RABGAP1L: variants seen among roughly 807,000 people sequenced by gnomAD.
RABGAP1L encodes the protein rab GTPase-activating protein 1-like.
Under a neutral mutation model 137.7 loss-of-function variants are expected in RABGAP1L, and 63 were observed. The observed-to-expected ratio is 0.46, with a 90% CI of 0.37 to 0.56. The LOEUF (loss-of-function observed/expected upper bound fraction) is 0.56, where lower values mean the gene tolerates loss of function less well. Ranked by LOEUF, RABGAP1L falls within the 20% of genes least tolerant of loss-of-function variation. RABGAP1L has a pLI of 0.00. For synonymous variants in RABGAP1L, 431 were observed against 433.7 expected (o/e 0.99, Z 0.08); for missense variants, 1,095 against 1,244.0 (o/e 0.88, Z 1.80).
At chr1:174,822,656 C>G (rs1251935501) in intron 19 of RABGAP1L, among the ~76,000 whole-genome samples, 1 of 152,180 alleles carries the variant, frequency 6.6e-6, no homozygotes, top group African/African-American at 2.4e-5. Context: ...ATGTGCAGTT[C>G]ACAATAGGGT....
At chr1:174,969,502 G>C in intron 21 of RABGAP1L, 115 bp downstream of exon 21, 1 of 757,156 alleles carries the variant, frequency 1.3e-6, no homozygotes. Context: ...GAATGGACAA[G>C]TGGCAGGGAC....
At chr1:174,309,002 T>G (rs189237245) in intron 11 of RABGAP1L, among the ~76,000 whole-genome samples, 206 of 152,196 alleles carry the variant, frequency 1.4e-3, no homozygotes, top group African/African-American at 4.7e-3. Flanking sequence ...TTCCAATCCA[T>G]GTACACAGTA....
At chr1:174,254,062 T>C (rs1672920395) in intron 7 of RABGAP1L, among the ~76,000 whole-genome samples, 2 of 152,000 alleles carry the variant, frequency 1.3e-5, no homozygotes, top group Middle Eastern at 3.4e-3. Flanking sequence ...TCCTCTTAAA[T>C]ATAGGAGAAG....
intron 13 of RABGAP1L, among the ~76,000 whole-genome samples, chr1:174,481,481 A>G (rs1324600874): frequency 6.6e-6 from 1 of 152,184 alleles, no homozygotes; most frequent in African/African-American, 2.4e-5. Context: ...CCTATGCTCT[A>G]AGGCCTGGTT....
At chr1:174,940,466 T>TG (rs1372488089) in intron 19 of RABGAP1L, among the ~76,000 whole-genome samples, 2 of 151,966 alleles carry the variant, frequency 1.3e-5, no homozygotes, top group Admixed American at 6.6e-5. Flanking sequence ...TTTGTAGAGA[T>TG]GGGGTCTCGC....
rs1558136542 is a variant in RABGAP1L, at chr1:174,328,013, A to ACG, written c.1465+22886_1465+22887insCG. Among the ~76,000 whole-genome samples, 2 of 129,096 alleles carry ACG rather than the reference A, an allele frequency of 1.5e-5. 1 individual carries two copies. Among genetic ancestry groups the ACG allele is most frequent in the African/African-American group, 6.7e-5 (2 of 29,988 alleles). The allele number at this position is 129,096 out of a possible 152,430, so 84.7% of individuals were successfully genotyped here. Reference sequence around the variant, plus strand: ...TATATATATATATATATATATATATATATATATATATACCCAACATCAGAG... The same window carrying ACG: ...TATATATATATATATATATATATATACGTATATATATATACCCAACATCAGAG... On this transcript the variant is annotated intron_variant, in intron 11 of 25. Coordinates refer to ENST00000681986, the MANE Select transcript of RABGAP1L (RefSeq NM_001366446.1).
intron 1 of RABGAP1L, among the ~76,000 whole-genome samples, chr1:174,201,247 A>T (rs1360483508): frequency 6.7e-6 from 1 of 148,994 alleles, no homozygotes; most frequent in African/African-American, 2.5e-5. Flanking sequence ...GAGCCACCAC[A>T]CCCAGTGTAG....
chr1:174,555,802 T>G (rs1666840529), intron 13 of RABGAP1L, among the ~76,000 whole-genome samples: 1 of 152,022 alleles, frequency 6.6e-6, no homozygotes. Context: ...AGAGTGAAAT[T>G]ATAGGAATGG....
chr1:174,467,305 T>G (rs6684141), intron 13 of RABGAP1L, among the ~76,000 whole-genome samples: 1 of 151,840 alleles, frequency 6.6e-6, no homozygotes, highest in African/African-American at 2.4e-5. Context: ...CTGTAGTCAT[T>G]TATCATCTTT....
chr1:174,788,637 G>A (rs963666991), intron 18 of RABGAP1L, among the ~76,000 whole-genome samples: 1 of 152,042 alleles, frequency 6.6e-6, no homozygotes, highest in Non-Finnish European at 1.5e-5. Context: ...TCACCTACTT[G>A]TTGTCCAGTA....
chr1:174,578,942 T>A (rs990931815), intron 13 of RABGAP1L, among the ~76,000 whole-genome samples: 2 of 152,120 alleles, frequency 1.3e-5, no homozygotes, highest in African/African-American at 4.8e-5. Context: ...GCTGTATAGT[T>A]TTCATACATA....
intron 14 of RABGAP1L, among the ~76,000 whole-genome samples, chr1:174,639,508 G>A (rs1435568415): frequency 6.6e-6 from 1 of 152,008 alleles, no homozygotes; most frequent in African/African-American, 2.4e-5. Context: ...TCATTTCCAA[G>A]TTTATTTAAG....
intron 1 of RABGAP1L, among the ~76,000 whole-genome samples, chr1:174,172,096 A>G (rs927393658): frequency 4.6e-5 from 7 of 151,600 alleles, no homozygotes; most frequent in Admixed American, 1.3e-4. Flanking sequence ...TTCATTTAAC[A>G]TAGTGTCCTC....
chr1:174,273,659 GA>G lies in RABGAP1L; in HGVS notation c.1053+1180del. Among the ~76,000 whole-genome samples, 3 of 152,016 alleles carry G rather than the reference GA, an allele frequency of 2.0e-5. 1 individual carries two copies. The highest frequency in any genetic ancestry group is 7.2e-5 in the African/African-American group (3 of 41,488). ...CATGAGGAAGTAAATTAGGAGGATT[GA>G]GGTAATGAAAACTTTTAAGATCCTA... On this transcript the variant is annotated intron_variant, in intron 8 of 25. Coordinates refer to ENST00000681986, the MANE Select transcript of RABGAP1L (RefSeq NM_001366446.1).
chr1:174,957,990 T>C, intron 20 of RABGAP1L: 1 of 1,563,236 alleles, frequency 6.4e-7, no homozygotes, highest in Non-Finnish European at 8.6e-7. Context: ...GCTTTCTACT[T>C]TCAAAAATGA....
At chr1:174,649,475 G>C (rs902641983) in intron 14 of RABGAP1L, among the ~76,000 whole-genome samples, 1 of 152,060 alleles carries the variant, frequency 6.6e-6, no homozygotes, top group Non-Finnish European at 1.5e-5. Context: ...AGTTTGGCTG[G>C]ATATGAAATT....
At chr1:174,190,712 C>T (rs1667154034) in intron 1 of RABGAP1L, among the ~76,000 whole-genome samples, 1 of 152,198 alleles carries the variant, frequency 6.6e-6, no homozygotes, top group African/African-American at 2.4e-5. Context: ...TTTAAAAGAA[C>T]TTTATCTTTG....
intron 13 of RABGAP1L, among the ~76,000 whole-genome samples, chr1:174,399,805 G>C (rs777558848): frequency 6.6e-6 from 1 of 152,108 alleles, no homozygotes; most frequent in Non-Finnish European, 1.5e-5. Flanking sequence ...ATCAGATCTC[G>C]TGGGAACTCA....
intron 6 of RABGAP1L, among the ~76,000 whole-genome samples, chr1:174,251,482 G>C (rs1231108034): frequency 6.6e-6 from 1 of 152,058 alleles, no homozygotes; most frequent in Non-Finnish European, 1.5e-5. Flanking sequence ...AATTCTAAGA[G>C]TAGTTGCTAG....
Sources: allele counts gnomAD v4.1 joint callset (sites outside exome capture counted in the v4.1 genomes callset), GRCh38; gene constraint gnomAD v4.1.1; transcripts MANE v1.5; gene names NCBI Gene and HGNC (gene_info 2026-07-23, HGNC 2026-07-21).